The following SORCS3 variants were observed in gnomAD, a reference collection of about 807,000 sequenced individuals.
SORCS3 encodes sortilin related VPS10 domain containing receptor 3, also known as VPS10 domain-containing receptor SorCS3.
A neutral mutation model predicts 146.3 loss-of-function variants in SORCS3; 57 were observed. The ratio of observed to expected loss-of-function variants is 0.39; its 90% confidence interval spans 0.31 to 0.49. SORCS3 has a LOEUF of 0.49. Among genes scored for constraint, SORCS3 ranks in the 20% least tolerant of loss-of-function variants. SORCS3 has a pLI of 0.92. For missense variants in SORCS3, 1,341 were observed against 1,575.5 expected, an observed-to-expected ratio of 0.85 and a Z score of 2.52; for synonymous variants, 653 against 618.5, an observed-to-expected ratio of 1.06 and a Z score of -0.83.
At chr10:105,010,388 A>C (rs2055127542) in intron 4 of SORCS3, among the ~76,000 whole-genome samples, 4 of 152,244 alleles carry the variant, frequency 2.6e-5, no homozygotes, top group African/African-American at 9.6e-5. Flanking sequence ...AGACAAAGTC[A>C]AACATGGTCT....
At chr10:104,736,899 T>G (rs945060446) in intron 1 of SORCS3, among the ~76,000 whole-genome samples, 2 of 152,094 alleles carry the variant, frequency 1.3e-5, no homozygotes, top group African/African-American at 4.8e-5. Flanking sequence ...TCATTTAGCA[T>G]TAGGTTTATC....
intron 1 of SORCS3, among the ~76,000 whole-genome samples, chr10:104,716,152 A>AT (rs764701923): frequency 2.6e-5 from 4 of 151,892 alleles, no homozygotes; most frequent in African/African-American, 9.7e-5. Context: ...TTCCTGCATT[A>AT]TTTTTTTCTC....
chr10:104,868,410 T>C (rs2018482894), intron 2 of SORCS3, among the ~76,000 whole-genome samples: 1 of 152,216 alleles, frequency 6.6e-6, no homozygotes, highest in Admixed American at 6.5e-5. Flanking sequence ...AATCTCACAC[T>C]ATTGAAAAGC....
chr10:104,787,477 A>T (rs986738304), intron 1 of SORCS3, among the ~76,000 whole-genome samples: 1 of 152,170 alleles, frequency 6.6e-6, no homozygotes, highest in Non-Finnish European at 1.5e-5. Context: ...TATCTCCTTT[A>T]TAGTTAGGAC....
chr10:104,984,769 C>A (rs1012435065), intron 4 of SORCS3, among the ~76,000 whole-genome samples: 2 of 152,070 alleles, frequency 1.3e-5, no homozygotes, highest in East Asian at 3.9e-4. Flanking sequence ...CACAATATAG[C>A]AAGTCATGTG....
At chr10:104,909,377 A>G (rs2018942575) in intron 2 of SORCS3, among the ~76,000 whole-genome samples, 1 of 152,196 alleles carries the variant, frequency 6.6e-6, no homozygotes, top group East Asian at 1.9e-4. Flanking sequence ...CAAACATGGC[A>G]ACGCAGAAGT....
chr10:104,974,282 GT>G (rs200814133), intron 3 of SORCS3, among the ~76,000 whole-genome samples: 1,676 of 152,216 alleles, frequency 0.011, 28 homozygotes, highest in African/African-American at 0.038. Flanking sequence ...TCTGTCTAAT[GT>G]TGACAGTGGG....
intron 1 of SORCS3, among the ~76,000 whole-genome samples, chr10:104,723,846 C>T (rs1411015603): frequency 1.3e-5 from 2 of 152,058 alleles, no homozygotes; most frequent in Non-Finnish European, 2.9e-5. Flanking sequence ...TCCTCCATCC[C>T]TTTATTTTGA....
intron 1 of SORCS3, among the ~76,000 whole-genome samples, chr10:104,706,847 TTTTC>T (rs2016343368): frequency 6.6e-6 from 1 of 152,212 alleles, no homozygotes; most frequent in Non-Finnish European, 1.5e-5. Flanking sequence ...TATAATGACT[TTTTC>T]TTCTAAACGT....
intron 1 of SORCS3, among the ~76,000 whole-genome samples, chr10:104,724,505 G>C (rs1481869138): frequency 4.6e-5 from 7 of 152,010 alleles, no homozygotes; most frequent in African/African-American, 1.7e-4. Context: ...TGTATTTCCT[G>C]AATCTGAATG....
chr10:104,697,206 T>A (rs998299975), intron 1 of SORCS3, among the ~76,000 whole-genome samples: 4 of 152,196 alleles, frequency 2.6e-5, no homozygotes, highest in Non-Finnish European at 5.9e-5. Context: ...TCTAGCTGTT[T>A]GATGTTGTAA....
rs1420473251 is a variant in SORCS3, at chr10:105,224,379, G to C, written c.2868+1130G>C. Reference sequence around the variant, plus strand: ...ATTGGCTTCCTTCACTAAGCAATATGCATTTAAGTTTCCTCCATGTCTTTT... The same window carrying C: ...ATTGGCTTCCTTCACTAAGCAATATCCATTTAAGTTTCCTCCATGTCTTTT... On this transcript the variant is annotated intron_variant, in intron 20 of 26. Transcript: ENST00000369701. Among the ~76,000 whole-genome samples, 2 of 152,128 alleles carry C rather than the reference G, an allele frequency of 1.3e-5. 1 individual carries two copies. Among genetic ancestry groups the C allele is most frequent in the Admixed American group, 1.3e-4 (2 of 15,260 alleles).
At chr10:104,887,959 C>CGGG (rs1212866137) in intron 2 of SORCS3, among the ~76,000 whole-genome samples, 10 of 6,586 alleles carry the variant, frequency 1.5e-3, no homozygotes, top group African/African-American at 2.7e-3. Context: ...ATGGTGGGGG[C>CGGG]GGGGGGGCGG....
chr10:104,750,242 T>G (rs958315830), intron 1 of SORCS3, among the ~76,000 whole-genome samples: 2 of 152,174 alleles, frequency 1.3e-5, no homozygotes, highest in Non-Finnish European at 1.5e-5. Context: ...TGCAAGCAAT[T>G]CATGCTAGCA....
chr10:104,955,544 T>C (rs2019480352), intron 3 of SORCS3, among the ~76,000 whole-genome samples: 1 of 152,204 alleles, frequency 6.6e-6, no homozygotes, highest in African/African-American at 2.4e-5. Flanking sequence ...AGGAGTTAAA[T>C]TTGTATTATT....
intron 3 of SORCS3, among the ~76,000 whole-genome samples, chr10:104,976,302 A>T (rs993876834): frequency 6.6e-6 from 1 of 152,238 alleles, no homozygotes; most frequent in African/African-American, 2.4e-5. Context: ...CAAAAAACAC[A>T]TGAAAAAATG....
intron 2 of SORCS3, among the ~76,000 whole-genome samples, chr10:104,855,767 A>G (rs1163801859): frequency 6.6e-6 from 1 of 150,480 alleles, no homozygotes; most frequent in Admixed American, 6.6e-5. Flanking sequence ...ACAGGGTCTT[A>G]CTCTATCACC....
At chr10:105,043,247 A>C (rs1384504020) in intron 5 of SORCS3, 119 bp downstream of exon 5, 1 of 853,656 alleles carries the variant, frequency 1.2e-6, no homozygotes, top group East Asian at 2.5e-5. Context: ...GTCCTTTGCT[A>C]CACAGAGTGG....
At chr10:104,866,215 G>A (rs894428697) in intron 2 of SORCS3, among the ~76,000 whole-genome samples, 1 of 152,146 alleles carries the variant, frequency 6.6e-6, no homozygotes, top group Non-Finnish European at 1.5e-5. Flanking sequence ...ATTAAGGCAC[G>A]GGAGATGAGG....
Sources: gnomAD v4.1 joint callset for allele counts (sites outside exome capture counted in the v4.1 genomes callset) on GRCh38, gnomAD v4.1.1 for gene constraint, MANE v1.5 for transcripts, NCBI Gene and HGNC (gene_info 2026-07-23, HGNC 2026-07-21) for gene names.